ZFHX3: variants seen among roughly 807,000 people sequenced by gnomAD.
ZFHX3 encodes the protein zinc finger homeobox protein 3.
ZFHX3 carries 42 observed loss-of-function variants against 279.1 expected under a neutral mutation model. That is an observed-to-expected ratio of 0.15 (90% CI 0.12 to 0.19). The LOEUF is 0.19. Among genes scored for constraint, ZFHX3 ranks in the 10% least tolerant of loss-of-function variants. The pLI is 1.00. For missense variants in ZFHX3, 4,981 were observed against 4,754.0 expected (o/e 1.05, Z -1.40); for synonymous variants, 2,293 against 1,957.8 (o/e 1.17, Z -4.52).
At chr16:73,124,989 C>T (rs1391176982) in intron 7 of ZFHX3, among the ~76,000 whole-genome samples, 2 of 152,088 alleles carry the variant, frequency 1.3e-5, no homozygotes, top group Non-Finnish European at 2.9e-5. Context: ...CACTGGGCTT[C>T]AAATCAGCCT....
At chr16:73,862,704 G>C (rs558408951) in intron 1 of ZFHX3, among the ~76,000 whole-genome samples, 1 of 152,130 alleles carries the variant, frequency 6.6e-6, no homozygotes, top group Non-Finnish European at 1.5e-5. Context: ...TTGAGCCCAG[G>C]AGGAAGAGGC....
intron 4 of ZFHX3, among the ~76,000 whole-genome samples, chr16:73,282,774 T>TA (rs1383751008): frequency 1.3e-5 from 2 of 152,230 alleles, no homozygotes; most frequent in Non-Finnish European, 2.9e-5. Context: ...TGATTTCCTT[T>TA]AAAATATGTA....
chr16:72,919,191 C>G (rs1055288247), intron 3 of ZFHX3, among the ~76,000 whole-genome samples: 1 of 151,736 alleles, frequency 6.6e-6, no homozygotes, highest in African/African-American at 2.4e-5. Flanking sequence ...GGGTCTCACT[C>G]TGTTGCCCAG....
chr16:73,475,990 G>A (rs930622178), intron 2 of ZFHX3, among the ~76,000 whole-genome samples: 7 of 152,072 alleles, frequency 4.6e-5, no homozygotes, highest in Non-Finnish European at 7.4e-5. Flanking sequence ...ATTCTTCCCA[G>A]AGGTTAAGGT....
At chr16:73,540,860 G>C (rs1178753750) in intron 2 of ZFHX3, among the ~76,000 whole-genome samples, 1 of 152,156 alleles carries the variant, frequency 6.6e-6, no homozygotes, top group Admixed American at 6.5e-5. Flanking sequence ...GTGAGGGCTG[G>C]GCTGAGCCTA....
intron 5 of ZFHX3, among the ~76,000 whole-genome samples, chr16:73,151,249 T>TA (rs1966934068): frequency 6.6e-6 from 1 of 152,078 alleles, no homozygotes; most frequent in Non-Finnish European, 1.5e-5. Context: ...TGGAAGGAGG[T>TA]AAATGTTATT....
At chr16:73,275,125 T>G (rs1426942761) in intron 4 of ZFHX3, among the ~76,000 whole-genome samples, 1 of 152,230 alleles carries the variant, frequency 6.6e-6, no homozygotes, top group Admixed American at 6.5e-5. Flanking sequence ...TGCCATTTCC[T>G]GTTTCGGGAC....
intron 1 of ZFHX3, among the ~76,000 whole-genome samples, chr16:73,000,971 A>G (rs1034259098): frequency 2.0e-5 from 3 of 152,206 alleles, no homozygotes; most frequent in Non-Finnish European, 4.4e-5. Context: ...GCAGCCTCTA[A>G]GCCAGATCCT....
intron 2 of ZFHX3, among the ~76,000 whole-genome samples, chr16:72,956,655 C>T (rs144599637): frequency 2.7e-4 from 41 of 152,276 alleles, no homozygotes; most frequent in Non-Finnish European, 4.3e-4. Flanking sequence ...TTCCTGGCAG[C>T]GAAGGCTCCG....
chr16:73,337,837 T>C (rs1018173169), intron 3 of ZFHX3, among the ~76,000 whole-genome samples: 1 of 138,244 alleles, frequency 7.2e-6, no homozygotes, highest in Non-Finnish European at 1.5e-5. Flanking sequence ...CTTTCTATCT[T>C]CCCAGCTTAC....
At chr16:73,770,389 T>A (rs1289170332) in intron 1 of ZFHX3, among the ~76,000 whole-genome samples, 1 of 152,338 alleles carries the variant, frequency 6.6e-6, no homozygotes, top group East Asian at 1.9e-4. Flanking sequence ...GAAGACCCAT[T>A]TTGAACTTCT....
intron 3 of ZFHX3, among the ~76,000 whole-genome samples, chr16:73,419,895 A>G (rs370672046): frequency 1.3e-5 from 2 of 150,300 alleles, no homozygotes; most frequent in Non-Finnish European, 1.5e-5. Flanking sequence ...ACATATATAT[A>G]TATAGATAGA....
chr16:73,129,792 T>A (rs1966643699), intron 7 of ZFHX3, among the ~76,000 whole-genome samples: 1 of 151,974 alleles, frequency 6.6e-6, no homozygotes, highest in South Asian at 2.1e-4. Context: ...ATATTTTGGG[T>A]ATGGGCTAAG....
At position 72,959,676 on chromosome 16, in the gene ZFHX3, C is replaced by G; in HGVS notation, c.470G>C (p.Cys157Ser). ...LSQLTQGGGACGSGSGSGPLP... is the reference protein window; with the variant it reads ...LSQLTQGGGASGSGSGSGPLP... ...AGGCCCACTGCCACTGCCACTCCCA[C>G]AGGCGCCCCCGCCCTGGGTCAGCTG... The change falls in exon 2 of 10, where the codon TGT (cysteine) becomes TCT (serine). Residue 157 changes from cysteine (C) to serine (S), a missense_variant. Around this residue, in one of 7 missense-constraint regions of ZFHX3, gnomAD observed 1,068 missense variants for 935.2 expected, o/e 1.14. Coordinates refer to ENST00000268489, the MANE Select transcript of ZFHX3 (RefSeq NM_006885.4). The G allele has an allele frequency of 1.9e-6, 3 of 1,613,942 alleles. No homozygotes were observed. The highest frequency in any genetic ancestry group is 1.1e-5 in the South Asian group (1 of 91,088).
intron 1 of ZFHX3, among the ~76,000 whole-genome samples, chr16:72,970,638 C>T (rs12445917): frequency 0.22 from 32,882 of 152,156 alleles, 3,842 homozygotes; most frequent in African/African-American, 0.26. Flanking sequence ...CCAACCTTCA[C>T]CCATCTTCTG....
rs116771447 is a variant in ZFHX3 at position 73,769,162 on chromosome 16, T to C, written c.-1607-88922A>G. On this transcript the variant is annotated intron_variant, in intron 1 of 17. Transcript: ENST00000641206. ...TGGCTAACATTTCCACTTGGTAGAC[T>C]GGGAATCTAAGACCCATAGACAGCA... Among the ~76,000 whole-genome samples the C allele has an allele frequency of 7.6e-3, 1,159 of 152,286 alleles. 11 individuals carry two copies. The highest frequency in any genetic ancestry group is 0.026 in the African/African-American group (1,076 of 41,560).
At chr16:72,934,060 C>T (rs190867158) in intron 3 of ZFHX3, among the ~76,000 whole-genome samples, 2 of 152,202 alleles carry the variant, frequency 1.3e-5, no homozygotes, top group Admixed American at 6.5e-5. Flanking sequence ...CCTGGTGATC[C>T]ACCTATCTCA....
At chr16:72,945,261 C>A (rs577872107) in intron 3 of ZFHX3, among the ~76,000 whole-genome samples, 1 of 152,342 alleles carries the variant, frequency 6.6e-6, no homozygotes, top group East Asian at 1.9e-4. Flanking sequence ...CCATACGTTC[C>A]CACAGCAGTG....
At chr16:73,490,186 T>A (rs1272856923) in intron 2 of ZFHX3, among the ~76,000 whole-genome samples, 2 of 152,314 alleles carry the variant, frequency 1.3e-5, no homozygotes, top group East Asian at 3.9e-4. Flanking sequence ...TATCAAGAAT[T>A]CCGCTGCAGC....
Sources: gnomAD v4.1 joint callset for allele counts (sites outside exome capture counted in the v4.1 genomes callset) on GRCh38, gnomAD v4.1.1 for gene constraint, gnomAD v4.1.1 regional missense constraint, MANE v1.5 for transcripts, NCBI Gene and HGNC (gene_info 2026-07-23, HGNC 2026-07-21) for gene names.